SZT2: variants seen among roughly 807,000 people sequenced by gnomAD.
SZT2 encodes the protein KICSTOR complex protein SZT2.
Under a neutral mutation model 404.2 loss-of-function variants are expected in SZT2, and 216 were observed. That is an observed-to-expected ratio of 0.53 (90% CI 0.48 to 0.60). The LOEUF (loss-of-function observed/expected upper bound fraction) is 0.60. Ranked by LOEUF, SZT2 falls within the 20% of genes least tolerant of loss-of-function variation. SZT2 has a pLI of 0.00. For synonymous variants in SZT2, 1,693 were observed against 1,749.9 expected (o/e 0.97, Z 0.81); for missense variants, 3,857 against 4,459.2 (o/e 0.86, Z 3.85).
intron 1 of SZT2, among the ~76,000 whole-genome samples, chr1:43,397,824 C>T (rs839760): frequency 0.35 from 52,997 of 152,058 alleles, 9,877 homozygotes; most frequent in Middle Eastern, 0.45. Flanking sequence ...CCACTACGCC[C>T]GGCCCCTACA....
chr1:43,430,698 C>A lies in SZT2; in HGVS notation c.4683C>A (p.Asp1561Glu), dbSNP rs774845907. Reference sequence around the variant, plus strand: ...CTGGGCCTGAGAGCTTCCTTCATGACCTGCCACCGCTCTTCCTGCACCTCA... The same window carrying A: ...CTGGGCCTGAGAGCTTCCTTCATGAACTGCCACCGCTCTTCCTGCACCTCA... ...SPTGPESFLH[D>E]LPPLFLHLTC... Residue 1561 changes from aspartate (D) to glutamate (E), a missense_variant, in exon 32 of 72, where the codon GAC becomes GAA. By Grantham distance (45) the Asp-to-Glu change is conservative. This residue lies in a region of SZT2 where 1,725 missense variants were observed against 1,881.0 expected (regional missense o/e 0.92). Coordinates refer to ENST00000634258, the MANE Select transcript of SZT2 (RefSeq NM_001365999.1). 2 of 1,613,806 alleles carry A rather than the reference C, an allele frequency of 1.2e-6. No homozygotes were observed. Among genetic ancestry groups the A allele is most frequent in the South Asian group, 1.1e-5 (1 of 91,092 alleles).
Position 43,431,008 on chromosome 1 carries a change from C to T in SZT2, c.4834C>T (p.Leu1612Phe), listed in dbSNP as rs777181706. 10 of 1,614,076 alleles carry T rather than the reference C, an allele frequency of 6.2e-6. No homozygotes were observed. Among genetic ancestry groups the T allele is most frequent in the East Asian group, 2.2e-5 (1 of 44,896 alleles). ...TGGAGGCCGAGTTCCCTTGAGGGAC[C>T]TCAGTGTGACTCTGGATGTCTTCAT... ...PVGGRVPLRD[L>F]SVTLDVFMLT... The change falls in exon 33 of 72, where the codon CTC becomes TTC. Residue 1612 changes from leucine to phenylalanine, a missense_variant. This residue lies in a region of SZT2 where 1,725 missense variants were observed against 1,881.0 expected (regional missense o/e 0.92). Transcript: ENST00000634258.
chr1:43,398,955 C>A (rs1169669573), intron 1 of SZT2, among the ~76,000 whole-genome samples: 1 of 152,050 alleles, frequency 6.6e-6, no homozygotes, highest in Non-Finnish European at 1.5e-5. Context: ...TGGCATGCCC[C>A]TGTAGTCCCA....
In SZT2 at chr1:43,428,229, A is replaced by G. The variant is rs1653422682; in HGVS notation, c.3920-11A>G. ...GAGCTCAAGCCTCATGGCCCCTTCC[A>G]CTTCCATCAGGGCTATTCCGCAGCT... On this transcript the variant is annotated splice_polypyrimidine_tract_variant and intron_variant, in intron 27 of 71. Transcript: ENST00000634258. The G allele has an allele frequency of 6.2e-7, 1 of 1,614,010 alleles. No individual in the cohort carries two copies. Among genetic ancestry groups the G allele is most frequent in the Non-Finnish European group, 8.5e-7 (1 of 1,179,982 alleles).
chr1:43,442,281 G>A lies in SZT2; in HGVS notation c.7887G>A (p.Met2629Ile), dbSNP rs748723710. The A allele has an allele frequency of 5.6e-6, 9 of 1,613,610 alleles. No individual in the cohort carries two copies. Among genetic ancestry groups the A allele is most frequent in the Admixed American group, 5.0e-5 (3 of 59,960 alleles). ...CCCACCCTGTAGCTGCCAAAGCCAT[G>A]CAGCGCTTCGAGCCAGGAGGTGATG... ...RRPTQQAAKA[M>I]QRFEPGGDGS... Residue 2629 changes from methionine (M) to isoleucine (I), a missense_variant, in exon 57 of 72, where the codon ATG becomes ATA. Around this residue, in one of 7 missense-constraint regions of SZT2, gnomAD observed 573 missense variants for 592.4 expected, o/e 0.97. Transcript: ENST00000634258. The surrounding 1 kb of genome is among the most constrained non-coding windows in gnomAD (Gnocchi z 4.5).
In SZT2 at chr1:43,437,865, A is replaced by AGCTGCTGGTC; in HGVS notation, c.6471_6472insGCTGCTGGTC (p.His2158AlafsTer18). ...CTCGTCCTGTGGGCCAAGTGGACAGACATATCCAGCTGCTGGTCCATGGTG... is the reference window on the plus strand; with the variant it reads ...CTCGTCCTGTGGGCCAAGTGGACAGAGCTGCTGGTCCATATCCAGCTGCTGGTCCATGGTG... On this transcript the variant is annotated frameshift_variant, in exon 46 of 72. Coordinates refer to ENST00000634258, the MANE Select transcript of SZT2 (RefSeq NM_001365999.1). LOFTEE classifies it high-confidence loss of function. The surrounding 1 kb of genome is among the most constrained non-coding windows in gnomAD (Gnocchi z 5.3). 1 of 1,614,134 alleles carries AGCTGCTGGTC rather than the reference A, an allele frequency of 6.2e-7. No individual in the cohort carries two copies. The highest frequency in any genetic ancestry group is 8.5e-7 in the Non-Finnish European group (1 of 1,180,032).
intron 1 of SZT2, among the ~76,000 whole-genome samples, chr1:43,394,790 A>G (rs1234407739): frequency 6.6e-6 from 1 of 151,840 alleles, no homozygotes; most frequent in Admixed American, 6.6e-5. Context: ...AGGCAGGAGA[A>G]TTGCTTTAAA....
chr1:43,422,684 T>G, intron 13 of SZT2, 52 bp downstream of exon 13: 1 of 766,534 alleles, frequency 1.3e-6, no homozygotes, highest in Non-Finnish European at 1.6e-6. Context: ...CCCCGCCACC[T>G]CATCCCATGT....
At position 43,426,582 on chromosome 1, in the gene SZT2, CT is replaced by C. The variant is rs2153933231; in HGVS notation, c.3214+48del. On this transcript the variant is annotated intron_variant, in intron 22 of 71. Transcript: ENST00000634258. This position sits in a 1 kb window ranked among gnomAD's most constrained non-coding sequence, Gnocchi z 4.9. ...CCTGACACCAGACCCTGGCCCAGCC[CT>C]TTTCCCCCACCCTCACAGGGTGATT... 4 of 1,517,770 alleles carry C rather than the reference CT, an allele frequency of 2.6e-6. No individual in the cohort carries two copies. The highest frequency in any genetic ancestry group is 2.5e-5 in the East Asian group (1 of 40,798). The allele number at this position is 1,517,770 out of a possible 1,614,324, so 94.0% of individuals were successfully genotyped here.
rs1196005627 is a variant in SZT2 at position 43,453,634 on chromosome 1, C to G, written c.*3154C>G. The G allele has an allele frequency of 5.4e-6, 8 of 1,493,528 alleles. No individual in the cohort carries two copies. The highest frequency in any genetic ancestry group is 2.3e-5 in the Admixed American group (1 of 43,034). The allele number at this position is 1,493,528 out of a possible 1,614,324, so 92.5% of individuals were successfully genotyped here. ...ATCAGTACAAGCCGCAGCCCCGCTTCTCGCGCGGCGCGCGCCAGCGCCTCA... is the reference window on the plus strand; with the variant it reads ...ATCAGTACAAGCCGCAGCCCCGCTTGTCGCGCGGCGCGCGCCAGCGCCTCA... On this transcript the variant is annotated 3_prime_UTR_variant, in exon 72 of 72. Transcript: ENST00000634258.
chr1:43,441,591 G>C lies in SZT2; in HGVS notation c.7599G>C (p.Met2533Ile). The change falls in exon 54 of 72, where the codon ATG becomes ATC. Residue 2533 changes from methionine to isoleucine, a missense_variant. Transcript: ENST00000634258. The surrounding 1 kb of genome is among the most constrained non-coding windows in gnomAD (Gnocchi z 4.8). ...ARVAQRWMEF[M>I]VQIGCASVSR... is the part of the protein sequence containing the mutation. ...TTGCTCAGCGCTGGATGGAGTTTAT[G>C]GTTCAGATTGGTGAGACCCCAGCCT... 6.2e-7 allele frequency: 1 copy of C among 1,614,126 alleles called. No homozygotes were observed. The highest frequency in any genetic ancestry group is 8.5e-7 in the Non-Finnish European group (1 of 1,180,022).
Position 43,454,098 on chromosome 1 carries a change from A to T in SZT2, c.*3618A>T. 1 of 1,081,166 alleles carries T rather than the reference A, an allele frequency of 9.2e-7. No individual in the cohort carries two copies. Among genetic ancestry groups the T allele is most frequent in the East Asian group, 5.6e-5 (1 of 17,754 alleles). The allele number at this position is 1,081,166 out of a possible 1,614,324, so 67.0% of individuals were successfully genotyped here. ...GGGCCTGAGAGCCGGACGCGAAGCA[A>T]GAGAGAGCTGGCTGCCCGAGGGCCC... On this transcript the variant is annotated 3_prime_UTR_variant, in exon 72 of 72. Coordinates refer to ENST00000634258, the MANE Select transcript of SZT2 (RefSeq NM_001365999.1).
chr1:43,441,878 T>C lies in SZT2; in HGVS notation c.7742+60T>C. On this transcript the variant is annotated intron_variant, in intron 55 of 71. Coordinates refer to ENST00000634258, the MANE Select transcript of SZT2 (RefSeq NM_001365999.1). The surrounding 1 kb of genome is among the most constrained non-coding windows in gnomAD (Gnocchi z 4.8). ...CCCTAGACTTCCTAAAAGCTGGGCC[T>C]ACAGGAAGCCAAACCTGAGGAAGCT... 1 of 1,602,572 alleles carries C rather than the reference T, an allele frequency of 6.2e-7. No individual in the cohort carries two copies. Among genetic ancestry groups the C allele is most frequent in the Non-Finnish European group, 8.5e-7 (1 of 1,171,274 alleles).
Position 43,450,763 on chromosome 1 carries a change from C to T in SZT2, c.*283C>T, listed in dbSNP as rs190157252. The T allele has an allele frequency of 1.4e-4, 100 of 704,608 alleles. No homozygotes were observed. Among genetic ancestry groups the T allele is most frequent in the Middle Eastern group, 1.2e-3 (5 of 4,008 alleles). 43.6% of individuals were successfully genotyped at this position (704,608 alleles called of 1,614,324 possible). A position where few individuals can be genotyped will look rare whatever the true frequency, so the allele number is the denominator to read the frequency against. On this transcript the variant is annotated 3_prime_UTR_variant, in exon 72 of 72. Transcript: ENST00000634258. This position sits in a 1 kb window ranked among gnomAD's most constrained non-coding sequence, Gnocchi z 4.3. Reference sequence around the variant, plus strand: ...CTTCTGGGGTACTCCTTTCGGCCCCCCTGGTAGAGTCTCGGGAGTTCACAC... The same window carrying T: ...CTTCTGGGGTACTCCTTTCGGCCCCTCTGGTAGAGTCTCGGGAGTTCACAC...
intron 1 of SZT2, among the ~76,000 whole-genome samples, chr1:43,396,092 G>A (rs1261554674): frequency 6.6e-6 from 1 of 152,230 alleles, no homozygotes; most frequent in Non-Finnish European, 1.5e-5. Context: ...GAGGTTTCCT[G>A]AGCAAGTATA....
At position 43,441,845 on chromosome 1, in the gene SZT2, G is replaced by A; in HGVS notation, c.7742+27G>A. 1 of 1,590,998 alleles carries A rather than the reference G, an allele frequency of 6.3e-7. No homozygotes were observed. Among genetic ancestry groups the A allele is most frequent in the East Asian group, 2.3e-5 (1 of 44,012 alleles). On this transcript the variant is annotated intron_variant, in intron 55 of 71. Transcript: ENST00000634258. This position sits in a 1 kb window ranked among gnomAD's most constrained non-coding sequence, Gnocchi z 4.8. ...TGAGTGTAGATCCTATAGAATTGAA[G>A]GGAACTCCCCTAGACTTCCTAAAAG... is the stretch of plus-strand genomic sequence containing the variant.
chr1:43,444,961 A>G (rs1655502686), intron 62 of SZT2, among the ~76,000 whole-genome samples: 1 of 151,960 alleles, frequency 6.6e-6, no homozygotes, highest in Non-Finnish European at 1.5e-5. Context: ...CCCACTCCCC[A>G]GGTTTCCCTC....
chr1:43,431,495 G>C lies in SZT2; in HGVS notation c.5060G>C (p.Arg1687Thr). The change falls in exon 35 of 72, where the codon AGA (arginine) becomes ACA (threonine). Residue 1687 changes from arginine to threonine, a missense_variant. Physicochemically the swap from Arg to Thr is moderately conservative, Grantham distance 71. Transcript: ENST00000634258. ...PGLSNLATPH[R>T]LAIETTMNEI... The stretch of plus-strand genomic sequence containing the variant: ...CTATCCAATTTGGCCACGCCCCACA[G>C]ACTGGCTATTGAGACCACCATGAAT... 1 of 1,614,152 alleles carries C rather than the reference G, an allele frequency of 6.2e-7. No homozygotes were observed. The highest frequency in any genetic ancestry group is 8.5e-7 in the Non-Finnish European group (1 of 1,180,024).
rs1348292126 is a variant in SZT2, at chr1:43,430,780, A to C, written c.4765A>C (p.Thr1589Pro). The C allele has an allele frequency of 1.2e-6, 2 of 1,608,102 alleles. No individual in the cohort carries two copies. The highest frequency in any genetic ancestry group is 8.5e-7 in the Non-Finnish European group (1 of 1,177,152). Residue 1589 changes from threonine (T) to proline (P), a missense_variant, in exon 32 of 72, where the codon ACC (threonine) becomes CCC (proline). Thr to Pro is a conservative substitution (Grantham distance 38, BLOSUM62 -1). Transcript: ENST00000634258. ...CTCAGTACCTGTGTGCAGCCTGCCT[A>C]CCTGCCTGGGTGAGTTTGAGGCAGC... The part of the protein sequence containing the change: ...HSSVPVCSLP[T>P]CLGQVLSSLE...
Sources: allele counts gnomAD v4.1 joint callset (sites outside exome capture counted in the v4.1 genomes callset), GRCh38; gene constraint gnomAD v4.1.1; regional missense constraint gnomAD v4.1.1; non-coding constraint Gnocchi (gnomAD v3.1); transcripts MANE v1.5; gene names NCBI Gene and HGNC (gene_info 2026-07-23, HGNC 2026-07-21).